DPYD: variants seen among roughly 807,000 people sequenced by gnomAD.
DPYD encodes the protein dihydropyrimidine dehydrogenase [NADP(+)].
Under a neutral mutation model 116.2 loss-of-function variants are expected in DPYD, and 109 were observed. The observed-to-expected ratio is 0.94, with a 90% CI of 0.80 to 1.10. The LOEUF (loss-of-function observed/expected upper bound fraction) is 1.10. DPYD is among the 50% of genes least tolerant of loss of function. The pLI, the probability that DPYD is intolerant of heterozygous loss-of-function variation, is 0.00. For synonymous variants in DPYD, 440 were observed against 432.0 expected (o/e 1.02, Z -0.23); for missense variants, 1,302 against 1,254.5 (o/e 1.04, Z -0.57).
In DPYD at chr1:97,349,796, G is replaced by T. The variant is rs182018252; in HGVS notation, c.2058+23765C>A. Among the ~76,000 whole-genome samples the T allele has an allele frequency of 2.1e-3, 321 of 152,076 alleles. 1 individual carries two copies. The highest frequency in any genetic ancestry group is 7.4e-3 in the African/African-American group (308 of 41,476). On this transcript the variant is annotated intron_variant, in intron 16 of 22. Coordinates refer to ENST00000370192, the MANE Select transcript of DPYD (RefSeq NM_000110.4). ...AGTCTTTGCTATTGTGAATAGTACT[G>T]CAATAAATATACGTGTGCATGTGTC...
rs147314693 is a variant in DPYD, at chr1:97,740,572, G to A, written c.234-93C>T. 6.5e-4 allele frequency: 690 copies of A among 1,069,572 alleles called. 6 individuals are homozygous for A. The African/African-American group carries it at 9.0e-3, about 14-fold the overall frequency. The allele number at this position is 1,069,572 out of a possible 1,614,324, so 66.3% of individuals were successfully genotyped here. On this transcript the variant is annotated intron_variant, in intron 3 of 22. Transcript: ENST00000370192. The stretch of plus-strand genomic sequence containing the variant: ...CTCATTCAGAGTCCGTGTCTAGTAA[G>A]TATAAATAAAATCGTATCATTTTTA...
In DPYD at chr1:97,697,101, C is replaced by T. The variant is rs548198855; in HGVS notation, c.680+2250G>A. Among the ~76,000 whole-genome samples, 129 of 152,180 alleles carry T rather than the reference C, an allele frequency of 8.5e-4. 1 individual carries two copies. The highest frequency in any genetic ancestry group is 1.0e-4 in the Non-Finnish European group (7 of 67,966). ...TGTTTATCTTTGTTATAATATCAAG[C>T]CCTTTTAACCCTGTTAAACTCGTGT... On this transcript the variant is annotated intron_variant, in intron 6 of 22. Transcript: ENST00000370192.
intron 18 of DPYD, among the ~76,000 whole-genome samples, chr1:97,237,058 G>A (rs760684687): frequency 6.6e-6 from 1 of 151,794 alleles, no homozygotes; most frequent in Non-Finnish European, 1.5e-5. Flanking sequence ...TGGCCAACAT[G>A]GTAAAACCCC....
chr1:97,863,990 A>G (rs994626568), intron 2 of DPYD, among the ~76,000 whole-genome samples: 2 of 151,998 alleles, frequency 1.3e-5, no homozygotes, highest in African/African-American at 4.8e-5. Flanking sequence ...TAAGCACACA[A>G]TAAAATGCCA....
chr1:97,351,947 G>C (rs1670167550), intron 16 of DPYD, among the ~76,000 whole-genome samples: 1 of 152,086 alleles, frequency 6.6e-6, no homozygotes, highest in South Asian at 2.1e-4. Flanking sequence ...TTCAGCTACT[G>C]CAAGTATTAC....
chr1:97,231,483 C>T (rs971780567), intron 19 of DPYD, among the ~76,000 whole-genome samples: 6 of 152,092 alleles, frequency 3.9e-5, no homozygotes, highest in Admixed American at 6.5e-5. Context: ...TCTTACATGG[C>T]GGCAGGCAAG....
intron 11 of DPYD, 64 bp from the exon 12 acceptor site, chr1:97,549,808 T>C: frequency 2.1e-6 from 3 of 1,408,616 alleles, no homozygotes; most frequent in South Asian, 2.5e-5. Flanking sequence ...TAACAATAAT[T>C]TTAAAATTAA....
rs1648185270 is a variant in DPYD at position 97,515,853 on chromosome 1, G to C, written c.1613C>G (p.Ala538Gly). 2 of 1,612,818 alleles carry C rather than the reference G, an allele frequency of 1.2e-6. No individual in the cohort carries two copies. Among genetic ancestry groups the C allele is most frequent in the African/African-American group, 1.3e-5 (1 of 74,856 alleles). ...IDLVDISVEM[A>G]GLKFINPFGL... ...AAAAGGATTTATAAACTTCAATCCGGCCATTTCTACACTAATGTCCACCAG... is the reference window on the plus strand; with the variant it reads ...AAAAGGATTTATAAACTTCAATCCGCCCATTTCTACACTAATGTCCACCAG... Residue 538 changes from alanine (A) to glycine (G), a missense_variant, in exon 13 of 23, where the codon GCC becomes GGC. By Grantham distance (60) the Ala-to-Gly change is moderately conservative. Transcript: ENST00000370192.
intron 1 of DPYD, among the ~76,000 whole-genome samples, chr1:97,907,303 T>C (rs1571565840): frequency 1.3e-5 from 2 of 152,262 alleles, no homozygotes; most frequent in East Asian, 3.9e-4. Context: ...CTGGTTCTTT[T>C]CCATATTTGA....
At chr1:97,767,990 C>T (rs1453133376) in intron 3 of DPYD, among the ~76,000 whole-genome samples, 1 of 152,062 alleles carries the variant, frequency 6.6e-6, no homozygotes, top group African/African-American at 2.4e-5. Flanking sequence ...AGAAAATCCA[C>T]TACTGCAATA....
intron 12 of DPYD, among the ~76,000 whole-genome samples, chr1:97,517,583 T>G (rs1648322911): frequency 6.6e-6 from 1 of 152,038 alleles, no homozygotes; most frequent in Admixed American, 6.6e-5. Context: ...ATTTCAGAAT[T>G]TTTCTCCTGG....
chr1:97,380,818 T>G (rs1671913849), intron 15 of DPYD, among the ~76,000 whole-genome samples: 1 of 152,180 alleles, frequency 6.6e-6, no homozygotes, highest in African/African-American at 2.4e-5. Context: ...TAAGGAAATC[T>G]GTTTTAACCG....
Position 97,620,447 on chromosome 1 carries a change from C to T in DPYD, c.851-25281G>A, listed in dbSNP as rs200490401. 3.9e-5 allele frequency among the ~76,000 whole-genome samples: 6 copies of T among 152,268 alleles called. No homozygotes were observed. In the East Asian group the frequency reaches 5.8e-4, roughly 15 times the overall value. Reference sequence around the variant, plus strand: ...CTCAGGCTGGTCTCAAACTCCTGGCCTCAATTGATCCTCCCCGCTTGGCTT... The same window carrying T: ...CTCAGGCTGGTCTCAAACTCCTGGCTTCAATTGATCCTCCCCGCTTGGCTT... On this transcript the variant is annotated intron_variant, in intron 8 of 22. Coordinates refer to ENST00000370192, the MANE Select transcript of DPYD (RefSeq NM_000110.4).
At chr1:97,450,969 A>G (rs1453638601) in intron 13 of DPYD, among the ~76,000 whole-genome samples, 1 of 152,180 alleles carries the variant, frequency 6.6e-6, no homozygotes, top group Non-Finnish European at 1.5e-5. Context: ...AAAACTAAAA[A>G]GAAACAAAGA....
chr1:97,221,771 C>T (rs776884762), intron 19 of DPYD, among the ~76,000 whole-genome samples: 3 of 152,030 alleles, frequency 2.0e-5, no homozygotes, highest in Admixed American at 1.3e-4. Context: ...TAATTAAAAT[C>T]AATTTATGAA....
intron 20 of DPYD, among the ~76,000 whole-genome samples, chr1:97,186,813 A>C (rs900223099): frequency 2.0e-5 from 3 of 152,176 alleles, no homozygotes; most frequent in African/African-American, 7.2e-5. Context: ...GTGCCACTGC[A>C]CTCCAGCCTG....
At chr1:97,206,327 G>A (rs1659598847) in intron 19 of DPYD, among the ~76,000 whole-genome samples, 1 of 151,802 alleles carries the variant, frequency 6.6e-6, no homozygotes. Flanking sequence ...ACAGCATTTT[G>A]AAATTTACTT....
At chr1:97,667,463 T>C (rs1659629097) in intron 8 of DPYD, among the ~76,000 whole-genome samples, 1 of 152,150 alleles carries the variant, frequency 6.6e-6, no homozygotes, top group African/African-American at 2.4e-5. Context: ...CAAGTTTCTG[T>C]TGGTAACAAG....
chr1:97,794,468 C>T (rs577988946), intron 3 of DPYD, among the ~76,000 whole-genome samples: 14 of 152,108 alleles, frequency 9.2e-5, no homozygotes, highest in South Asian at 2.1e-4. Flanking sequence ...GCATCATTCA[C>T]CATTATAGAA....
Sources: allele counts gnomAD v4.1 joint callset (sites outside exome capture counted in the v4.1 genomes callset), GRCh38; gene constraint gnomAD v4.1.1; transcripts MANE v1.5; gene names NCBI Gene and HGNC (gene_info 2026-07-23, HGNC 2026-07-21).